Variants in PSD3 observed in about 807,000 individuals in gnomAD.
PSD3 encodes PH and SEC7 domain-containing protein 3.
A neutral mutation model predicts 105.5 loss-of-function variants in PSD3; 49 were observed. The ratio of observed to expected loss-of-function variants is 0.46; its 90% CI spans 0.37 to 0.59. The LOEUF (loss-of-function observed/expected upper bound fraction) is 0.59. PSD3 is among the 20% of genes least tolerant of loss of function. The probability of loss-of-function intolerance (pLI) is 0.00; values close to 1 mark genes in which losing one functional copy is unlikely to be tolerated. For synonymous variants in PSD3, 557 were observed against 457.8 expected, an observed-to-expected ratio of 1.22 and a Z score of -2.77; for missense variants, 1,561 against 1,263.8, an observed-to-expected ratio of 1.24 and a Z score of -3.57.
chr8:19,082,200 G>C (rs1389090853), intron 1 of PSD3, among the ~76,000 whole-genome samples: 4 of 152,146 alleles, frequency 2.6e-5, no homozygotes, highest in African/African-American at 7.2e-5. Flanking sequence ...TCCCTGGTTA[G>C]TGATAGCCGT....
At chr8:18,969,231 A>AT (rs550234718) in intron 1 of PSD3, among the ~76,000 whole-genome samples, 151 of 152,350 alleles carry the variant, frequency 9.9e-4, no homozygotes, top group African/African-American at 3.5e-3. Context: ...CAGTCACATC[A>AT]TAACCATACA....
intron 2 of PSD3, among the ~76,000 whole-genome samples, chr8:18,923,693 T>C (rs924679274): frequency 6.6e-6 from 1 of 152,150 alleles, no homozygotes; most frequent in African/African-American, 2.4e-5. Flanking sequence ...CGTAAGTACA[T>C]TTTATGATGT....
chr8:18,841,523 G>T (rs1225633690), intron 4 of PSD3, among the ~76,000 whole-genome samples: 1 of 151,160 alleles, frequency 6.6e-6, no homozygotes, highest in Non-Finnish European at 1.5e-5. Context: ...TCACTAGCAT[G>T]GAGAGAGCAG....
At chr8:18,684,789 G>C (rs12545466) in intron 9 of PSD3, among the ~76,000 whole-genome samples, 16,202 of 152,108 alleles carry the variant, frequency 0.11, 1,876 homozygotes, top group African/African-American at 0.26. Flanking sequence ...CAGAGTGAGA[G>C]CAATAAAGCT....
chr8:18,765,431 C>A lies in PSD3; in HGVS notation c.2172+18G>T. On this transcript the variant is annotated intron_variant, in intron 9 of 15. Transcript: ENST00000327040. ...AGAAATACAAGCATACACTAAAAACCAATAGTTCCATGCTTACTTTCAGCA... is the reference window on the plus strand; with the variant it reads ...AGAAATACAAGCATACACTAAAAACAAATAGTTCCATGCTTACTTTCAGCA... 1 of 1,576,186 alleles carries A rather than the reference C, an allele frequency of 6.3e-7. No homozygotes were observed. The highest frequency in any genetic ancestry group is 8.7e-7 in the Non-Finnish European group (1 of 1,145,576).
chr8:18,867,691 C>T lies in PSD3; in HGVS notation c.1617G>A (p.Glu539=), dbSNP rs375090942. The change falls in exon 4 of 16, where the codon GAG becomes GAA. Residue 539 remains glutamate, a synonymous_variant. Transcript: ENST00000327040. ...SDSIYTKGTP[E]IAFWGSNAGV... ...ACGAGTACCTTCCCCAGAAAGCAAT[C>T]TCCGGGGTGCCTTTCGTGTAGATGG... The T allele has an allele frequency of 4.0e-5, 64 of 1,611,024 alleles. No homozygotes were observed. The African/African-American group carries it at 5.5e-4, about 14-fold the overall frequency.
In PSD3 at chr8:18,922,806, C is replaced by T. The variant is rs118045462; in HGVS notation, c.130+13228G>A. ...ACAGGGAACCACTTATGTTTACCAA[C>T]TTCTGATAAAGGCTGTTACAAAGGA... On this transcript the variant is annotated intron_variant, in intron 2 of 15. Coordinates refer to ENST00000327040, the MANE Select transcript of PSD3 (RefSeq NM_015310.4). Among the ~76,000 whole-genome samples the T allele has an allele frequency of 2.3e-3, 357 of 152,254 alleles. 3 individuals carry two copies. The highest frequency in any genetic ancestry group is 4.1e-3 in the Non-Finnish European group (280 of 68,010).
At chr8:18,676,433 GC>G in intron 9 of PSD3, among the ~76,000 whole-genome samples, 1 of 152,210 alleles carries the variant, frequency 6.6e-6, no homozygotes, top group Middle Eastern at 3.4e-3. Context: ...CCTCACTGAT[GC>G]CATACCCGCT....
At chr8:18,953,989 A>G (rs1237153970) in intron 1 of PSD3, among the ~76,000 whole-genome samples, 2 of 152,170 alleles carry the variant, frequency 1.3e-5, no homozygotes, top group Non-Finnish European at 2.9e-5. Flanking sequence ...GATACTCAAG[A>G]TATCAAACAG....
intron 11 of PSD3, among the ~76,000 whole-genome samples, chr8:18,607,677 C>T (rs565876041): frequency 1.9e-5 from 2 of 104,518 alleles, no homozygotes; most frequent in Non-Finnish European, 3.7e-5. Flanking sequence ...CAAGACTCCA[C>T]TGCTACAAAA....
chr8:19,078,613 C>G (rs1484913173), intron 1 of PSD3, among the ~76,000 whole-genome samples: 1 of 151,960 alleles, frequency 6.6e-6, no homozygotes. Context: ...ATGGTGTAAC[C>G]ATCTTCAGGA....
At chr8:18,656,356 C>T (rs920986173) in intron 9 of PSD3, among the ~76,000 whole-genome samples, 2 of 120,712 alleles carry the variant, frequency 1.7e-5, no homozygotes, top group Non-Finnish European at 3.5e-5. Flanking sequence ...CTGTGTCTGG[C>T]TGCTTTTTTT....
intron 1 of PSD3, among the ~76,000 whole-genome samples, chr8:18,963,183 G>A (rs1165952246): frequency 6.6e-6 from 1 of 152,152 alleles, no homozygotes; most frequent in African/African-American, 2.4e-5. Context: ...ACAACAGTAT[G>A]GGGGAACCGC....
At chr8:18,828,672 T>C (rs1813425262) in intron 4 of PSD3, among the ~76,000 whole-genome samples, 1 of 151,918 alleles carries the variant, frequency 6.6e-6, no homozygotes, top group Non-Finnish European at 1.5e-5. Context: ...ATACAAAAGT[T>C]AGCTGGGGCT....
intron 2 of PSD3, among the ~76,000 whole-genome samples, chr8:18,880,199 T>A (rs1157931552): frequency 2.6e-5 from 4 of 152,220 alleles, no homozygotes; most frequent in Admixed American, 1.3e-4. Context: ...GATAATTATT[T>A]TTTTAAAAAA....
chr8:18,859,998 T>C (rs114159172), intron 4 of PSD3, among the ~76,000 whole-genome samples: 65 of 152,366 alleles, frequency 4.3e-4, no homozygotes, highest in African/African-American at 1.6e-3. Context: ...GTATTCTGGC[T>C]TTCAACATGC....
chr8:18,540,717 A>T lies in PSD3; in HGVS notation c.2929-4759T>A, dbSNP rs181937695. Among the ~76,000 whole-genome samples, 119 of 152,168 alleles carry T rather than the reference A, an allele frequency of 7.8e-4. 1 individual carries two copies. Among genetic ancestry groups the T allele is most frequent in the African/African-American group, 2.7e-3 (114 of 41,530 alleles). On this transcript the variant is annotated intron_variant, in intron 15 of 15. Coordinates refer to ENST00000327040, the MANE Select transcript of PSD3 (RefSeq NM_015310.4). ...CTTGCCCTCCACGTGCACTCCTTTC[A>T]AAAGACACTGCCCTGTTAAAACACA...
intron 9 of PSD3, among the ~76,000 whole-genome samples, chr8:18,755,912 C>T (rs989948722): frequency 1.3e-5 from 2 of 152,096 alleles, no homozygotes; most frequent in African/African-American, 2.4e-5. Flanking sequence ...TGATCGAAAG[C>T]GAAAGCAGGC....
intron 15 of PSD3, among the ~76,000 whole-genome samples, chr8:18,545,106 C>T (rs1255096165): frequency 2.6e-5 from 4 of 152,196 alleles, no homozygotes; most frequent in African/African-American, 9.7e-5. Flanking sequence ...ACTATGATTT[C>T]TCTCATTCTT....
Sources: gnomAD v4.1 joint callset for allele counts (sites outside exome capture counted in the v4.1 genomes callset) on GRCh38, gnomAD v4.1.1 for gene constraint, MANE v1.5 for transcripts, NCBI Gene and HGNC (gene_info 2026-07-23, HGNC 2026-07-21) for gene names.